CDH13: variants seen among roughly 807,000 people sequenced by gnomAD.
CDH13 encodes the protein cadherin-13.
In CDH13, 24 loss-of-function variants were observed where a neutral mutation model predicts 63.8. That is an observed-to-expected ratio of 0.38 (90% CI 0.27 to 0.53). The LOEUF (loss-of-function observed/expected upper bound fraction) is 0.53, where lower values mean the gene tolerates loss of function less well. CDH13 is among the 20% of genes least tolerant of loss of function. The pLI is 0.85. For missense variants in CDH13, 1,049 were observed against 903.1 expected, an observed-to-expected ratio of 1.16 and a Z score of -2.07; for synonymous variants, 503 against 355.3, an observed-to-expected ratio of 1.42 and a Z score of -4.67.
At chr16:83,196,652 G>A (rs550589363) in intron 4 of CDH13, among the ~76,000 whole-genome samples, 1 of 152,248 alleles carries the variant, frequency 6.6e-6, no homozygotes, top group Non-Finnish European at 1.5e-5. Flanking sequence ...TTTCAGCAAA[G>A]GGGATATGAG....
At chr16:83,467,490 C>G (rs2073346173) in intron 6 of CDH13, among the ~76,000 whole-genome samples, 2 of 152,070 alleles carry the variant, frequency 1.3e-5, no homozygotes, top group African/African-American at 2.4e-5. Context: ...CGCCTTACAG[C>G]TCTTTGTGAA....
intron 1 of CDH13, among the ~76,000 whole-genome samples, chr16:82,693,421 T>A (rs1300370504): frequency 1.3e-5 from 2 of 152,158 alleles, no homozygotes; most frequent in African/African-American, 4.8e-5. Context: ...GTGCACCTCT[T>A]TGCTGAAAGC....
At chr16:82,985,985 T>C (rs1193409838) in intron 2 of CDH13, among the ~76,000 whole-genome samples, 2 of 152,158 alleles carry the variant, frequency 1.3e-5, no homozygotes, top group African/African-American at 4.8e-5. Flanking sequence ...AGAGCAGACA[T>C]TGGCATCATG....
intron 3 of CDH13, 72 bp downstream of exon 3, chr16:83,032,290 G>T: frequency 1.7e-6 from 2 of 1,149,994 alleles, no homozygotes; most frequent in Middle Eastern, 2.0e-4. Context: ...GTGGAAAATG[G>T]GTCTTTAATT....
At chr16:83,256,674 C>CAAAAAAAAAAAAAAAAAA (rs59651612) in intron 5 of CDH13, among the ~76,000 whole-genome samples, 1 of 115,656 alleles carries the variant, frequency 8.6e-6, no homozygotes, top group South Asian at 2.9e-4. Flanking sequence ...TACTAAAATA[C>CAAAAAAAAAAAAAAAAAA]AAAAAAAAAA....
In CDH13 at chr16:83,780,096, T is replaced by G; in HGVS notation, c.1810T>G (p.Leu604Val). 6.2e-7 allele frequency: 1 copy of G among 1,613,906 alleles called. No homozygotes were observed. The highest frequency in any genetic ancestry group is 8.5e-7 in the Non-Finnish European group (1 of 1,179,854). Residue 604 changes from leucine (L) to valine (V), a missense_variant, in exon 12 of 14, where the codon TTG (leucine) becomes GTG (valine). Physicochemically the swap from Leu to Val is conservative, Grantham distance 32. Transcript: ENST00000567109. ...TGCCAAAAACCTCAGTGTAGTCATT[T>G]TGGGAGCATCAGATAAGGATCTTCA... Reference protein sequence around the residue: ...DDAKNLSVVILGASDKDLHPN... With the variant: ...DDAKNLSVVIVGASDKDLHPN...
chr16:83,394,950 C>G (rs1310211051), intron 6 of CDH13, among the ~76,000 whole-genome samples: 2 of 152,018 alleles, frequency 1.3e-5, no homozygotes, highest in African/African-American at 4.8e-5. Context: ...GTGTTTGAAA[C>G]CAGCCTGGCC....
chr16:82,753,950 T>C (rs1023847193), intron 1 of CDH13, among the ~76,000 whole-genome samples: 4 of 152,210 alleles, frequency 2.6e-5, no homozygotes, highest in Admixed American at 1.3e-4. Flanking sequence ...CACTAATTCA[T>C]TGATTCACTG....
At chr16:83,342,052 C>G (rs2090737241) in intron 5 of CDH13, among the ~76,000 whole-genome samples, 1 of 149,726 alleles carries the variant, frequency 6.7e-6, no homozygotes, top group Non-Finnish European at 1.5e-5. Context: ...CATACTCTAC[C>G]CAGTGATGGA....
At chr16:83,417,942 T>C (rs558764959) in intron 6 of CDH13, among the ~76,000 whole-genome samples, 2 of 151,802 alleles carry the variant, frequency 1.3e-5, no homozygotes, top group Admixed American at 6.6e-5. Flanking sequence ...CCTAGCATCC[T>C]CCCCACCCCC....
chr16:83,378,891 C>T lies in CDH13; in HGVS notation c.781+33885C>T, dbSNP rs770396496. ...GCCTTCTAAGCTCACACCATTGTCTCATGCTAAACTTGTGGTCCACCAGAA... is the reference window on the plus strand; with the variant it reads ...GCCTTCTAAGCTCACACCATTGTCTTATGCTAAACTTGTGGTCCACCAGAA... On this transcript the variant is annotated intron_variant, in intron 6 of 13. Transcript: ENST00000567109. 6.6e-5 allele frequency among the ~76,000 whole-genome samples: 10 copies of T among 152,270 alleles called. No homozygotes were observed. The South Asian group carries it at 1.2e-3, about 19-fold the overall frequency.
chr16:83,217,670 T>TG (rs1484092647), intron 5 of CDH13, among the ~76,000 whole-genome samples, 173 bp downstream of exon 5: 3 of 152,020 alleles, frequency 2.0e-5, no homozygotes, highest in African/African-American at 4.8e-5. Context: ...AGGGCAACAG[T>TG]GGGGGGTCTT....
rs1159974383 is a variant in CDH13, at chr16:83,602,453, G to C, written c.961-1G>C. 6.2e-7 allele frequency: 1 copy of C among 1,613,850 alleles called. No homozygotes were observed. The highest frequency in any genetic ancestry group is 1.3e-5 in the African/African-American group (1 of 74,928). On this transcript the variant is annotated splice_acceptor_variant, in intron 7 of 13. Coordinates refer to ENST00000567109, the MANE Select transcript of CDH13 (RefSeq NM_001257.5). LOFTEE classifies it high-confidence loss of function. ...TATTTCTTTGTGCTTGTGCTTTGTA[G>C]ACTCTGGAAAATCCCAAGTATGAAC...
intron 2 of CDH13, among the ~76,000 whole-genome samples, chr16:82,874,747 C>A (rs9929863): frequency 3.9e-5 from 6 of 152,234 alleles, no homozygotes; most frequent in African/African-American, 1.4e-4. Context: ...ATGGTTAGCA[C>A]TGCATTTTTC....
intron 7 of CDH13, among the ~76,000 whole-genome samples, chr16:83,565,383 C>CTT (rs369127310): frequency 0.12 from 15,790 of 130,514 alleles, 1,863 homozygotes; most frequent in African/African-American, 0.28. Context: ...TTCCACTGTT[C>CTT]TTTTTTTTTT....
intron 7 of CDH13, among the ~76,000 whole-genome samples, chr16:83,547,282 T>A (rs1004028391): frequency 1.3e-5 from 2 of 152,228 alleles, no homozygotes; most frequent in Non-Finnish European, 2.9e-5. Context: ...GGAACCTGGA[T>A]AAGTGGCTGT....
At chr16:82,931,749 T>A (rs9319580) in intron 2 of CDH13, among the ~76,000 whole-genome samples, 2 of 152,010 alleles carry the variant, frequency 1.3e-5, no homozygotes, top group African/African-American at 4.8e-5. Flanking sequence ...GAGGAACCCC[T>A]TATAGAAACA....
intron 7 of CDH13, among the ~76,000 whole-genome samples, chr16:83,502,783 A>G (rs527401034): frequency 3.8e-4 from 58 of 152,342 alleles, no homozygotes; most frequent in Middle Eastern, 3.4e-3. Flanking sequence ...TGGTGTTACC[A>G]ATAATAAAAT....
chr16:83,008,746 C>T (rs995592728), intron 2 of CDH13, among the ~76,000 whole-genome samples: 2 of 152,178 alleles, frequency 1.3e-5, no homozygotes, highest in African/African-American at 4.8e-5. Flanking sequence ...GCCTTCCTCT[C>T]TTTCTCCCTC....
Sources: allele counts gnomAD v4.1 joint callset (sites outside exome capture counted in the v4.1 genomes callset), GRCh38; gene constraint gnomAD v4.1.1; transcripts MANE v1.5; gene names NCBI Gene and HGNC (gene_info 2026-07-23, HGNC 2026-07-21).